Variants in PARN observed in about 807,000 individuals in gnomAD.
The protein encoded by PARN is poly(A)-specific ribonuclease PARN.
PARN carries 71 observed loss-of-function variants against 102.8 expected under a neutral mutation model. The ratio of observed to expected loss-of-function variants is 0.69; its 90% confidence interval spans 0.57 to 0.84. The LOEUF is 0.84. Ranked by LOEUF, PARN falls within the 40% of genes least tolerant of loss-of-function variation. PARN has a pLI of 0.00. For missense variants in PARN, 782 were observed against 760.9 expected (o/e 1.03, Z -0.33); for synonymous variants, 261 against 252.9 (o/e 1.03, Z -0.30).
intron 13 of PARN, among the ~76,000 whole-genome samples, chr16:14,589,960 G>A (rs867250409): frequency 4.0e-5 from 6 of 151,808 alleles, no homozygotes; most frequent in African/African-American, 9.7e-5. Context: ...CTTAAGAAAC[G>A]CAAATCCAGG....
chr16:14,461,065 A>G (rs1596452547), intron 22 of PARN, among the ~76,000 whole-genome samples: 1 of 152,236 alleles, frequency 6.6e-6, no homozygotes, highest in Admixed American at 6.5e-5. Flanking sequence ...TCTTCCATCC[A>G]AAACCCATAA....
chr16:14,467,393 G>A (rs1295276998), intron 22 of PARN, among the ~76,000 whole-genome samples: 1 of 152,148 alleles, frequency 6.6e-6, no homozygotes, highest in Non-Finnish European at 1.5e-5. Context: ...CCTTGATTTA[G>A]TTTGTGAAGA....
At chr16:14,481,742 G>C (rs1268254959) in intron 22 of PARN, among the ~76,000 whole-genome samples, 2 of 152,050 alleles carry the variant, frequency 1.3e-5, no homozygotes, top group Admixed American at 1.3e-4. Context: ...TTTTTCTCTT[G>C]TTAATTCACA....
chr16:14,627,406 C>G, intron 3 of PARN, 70 bp from the exon 4 acceptor site: 1 of 1,096,704 alleles, frequency 9.1e-7, no homozygotes, highest in Non-Finnish European at 1.4e-6. Flanking sequence ...CATTCTCAAA[C>G]AGGTGGGCTT....
intron 12 of PARN, among the ~76,000 whole-genome samples, chr16:14,597,854 A>G (rs1434432869): frequency 6.6e-6 from 1 of 152,182 alleles, no homozygotes; most frequent in African/African-American, 2.4e-5. Context: ...AAAGTATCCA[A>G]GTTATACAGC....
At chr16:14,533,289 G>A (rs926115364) in intron 21 of PARN, among the ~76,000 whole-genome samples, 1 of 152,126 alleles carries the variant, frequency 6.6e-6, no homozygotes, top group Admixed American at 6.5e-5. Context: ...GCCTGCAATC[G>A]CAAGTACTCG....
intron 18 of PARN, among the ~76,000 whole-genome samples, chr16:14,569,323 C>G (rs1567396051): frequency 6.6e-6 from 1 of 152,188 alleles, no homozygotes; most frequent in Non-Finnish European, 1.5e-5. Context: ...CAGTAACAAC[C>G]ACCCTTTCTG....
intron 10 of PARN, among the ~76,000 whole-genome samples, chr16:14,604,445 G>T (rs1971066857): frequency 6.6e-6 from 1 of 151,516 alleles, no homozygotes; most frequent in African/African-American, 2.4e-5. Flanking sequence ...ATTTTTAGTA[G>T]AGACGGAGTT....
chr16:14,445,810 C>G (rs548177689), intron 23 of PARN, among the ~76,000 whole-genome samples: 1 of 152,184 alleles, frequency 6.6e-6, no homozygotes, highest in Non-Finnish European at 1.5e-5. Context: ...GTGATCCACC[C>G]GTCTTGGCCT....
At chr16:14,594,662 G>C (rs1970395846) in intron 12 of PARN, among the ~76,000 whole-genome samples, 1 of 152,212 alleles carries the variant, frequency 6.6e-6, no homozygotes. Context: ...GTTGCAGTGA[G>C]CTGAGATCGC....
At position 14,561,206 on chromosome 16, in the gene PARN, C is replaced by T. The variant is rs117109919; in HGVS notation, c.1263-5497G>A. 1.3e-3 allele frequency among the ~76,000 whole-genome samples: 198 copies of T among 151,686 alleles called. 4 individuals are homozygous for T. The East Asian group carries it at 0.036, about 28-fold the overall frequency. On this transcript the variant is annotated intron_variant, in intron 18 of 23. Transcript: ENST00000437198. ...GGGCGGGATGACACTGTGTCCCAGG[C>T]TGCCTAAGAAGGCTCATTAGTTACT... is the stretch of plus-strand genomic sequence containing the variant.
At chr16:14,554,703 A>G (rs1005908650) in intron 19 of PARN, among the ~76,000 whole-genome samples, 3 of 151,988 alleles carry the variant, frequency 2.0e-5, no homozygotes, top group Non-Finnish European at 4.4e-5. Context: ...CTCGGTCTCC[A>G]AAAGTGCTGG....
intron 21 of PARN, among the ~76,000 whole-genome samples, chr16:14,506,893 A>G (rs1269836631): frequency 2.0e-5 from 3 of 152,236 alleles, no homozygotes; most frequent in Non-Finnish European, 4.4e-5. Flanking sequence ...CTAACTCCAA[A>G]AACAAACAAA....
At chr16:14,548,966 G>A (rs1195362039) in intron 21 of PARN, among the ~76,000 whole-genome samples, 1 of 150,840 alleles carries the variant, frequency 6.6e-6, no homozygotes, top group Non-Finnish European at 1.5e-5. Flanking sequence ...AAAGGAAGAG[G>A]GGAGGGAAGA....
chr16:14,502,106 G>A (rs1964653166), intron 21 of PARN, among the ~76,000 whole-genome samples: 2 of 152,196 alleles, frequency 1.3e-5, no homozygotes, highest in Admixed American at 6.5e-5. Flanking sequence ...AAGGCCACAT[G>A]CCTCTCTGGG....
At chr16:14,497,722 T>TATACACA (rs1418002830) in intron 21 of PARN, among the ~76,000 whole-genome samples, 1 of 152,200 alleles carries the variant, frequency 6.6e-6, no homozygotes, top group African/African-American at 2.4e-5. Context: ...TATAAGCTAA[T>TATACACA]ATAGGAGCTG....
intron 12 of PARN, among the ~76,000 whole-genome samples, chr16:14,599,612 T>C (rs1201931846): frequency 6.6e-6 from 1 of 152,228 alleles, no homozygotes; most frequent in African/African-American, 2.4e-5. Flanking sequence ...GACTTCTTAC[T>C]GGTTTTGAAA....
In PARN at chr16:14,610,664, C is replaced by A. The variant is rs1356812555; in HGVS notation, c.534G>T (p.Lys178Asn). ...KCPVTIPEDQ[K>N]KFIDQVVEKI... ...CTTACACCACTTGGTCAATAAACTT[C>A]TTTTGATCCTCAGGAATCGTGACAG... The change falls in exon 7 of 24, where the codon AAG becomes AAT. Residue 178 changes from lysine to asparagine, a missense_variant. Lys to Asn is a moderately conservative substitution (Grantham distance 94). Coordinates refer to ENST00000437198, the MANE Select transcript of PARN (RefSeq NM_002582.4). The A allele has an allele frequency of 8.1e-6, 13 of 1,610,044 alleles. No homozygotes were observed. The highest frequency in any genetic ancestry group is 1.0e-5 in the Non-Finnish European group (12 of 1,176,526).
intron 23 of PARN, among the ~76,000 whole-genome samples, chr16:14,437,151 G>T (rs1326897842): frequency 6.6e-6 from 1 of 152,198 alleles, no homozygotes; most frequent in Non-Finnish European, 1.5e-5. Context: ...GCCCACCAAG[G>T]TGGTAACACT....
Sources: allele counts gnomAD v4.1 joint callset (sites outside exome capture counted in the v4.1 genomes callset), GRCh38; gene constraint gnomAD v4.1.1; transcripts MANE v1.5; gene names NCBI Gene and HGNC (gene_info 2026-07-23, HGNC 2026-07-21).